FOXP3: variants seen among roughly 807,000 people sequenced by gnomAD.
FOXP3 encodes the protein forkhead box P3.
A neutral mutation model predicts 31.2 loss-of-function variants in FOXP3; 5 were observed. The ratio of observed to expected loss-of-function variants is 0.16; its 90% CI spans 0.08 to 0.34. The LOEUF (loss-of-function observed/expected upper bound fraction) is 0.34. Ranked by LOEUF, FOXP3 falls within the 10% of genes least tolerant of loss-of-function variation. The pLI is 1.00. For missense variants in FOXP3, 251 were observed against 363.0 expected (o/e 0.69, Z 2.51); for synonymous variants, 141 against 148.8 (o/e 0.95, Z 0.38).
chrX:49,263,853 C>T (rs1458992496), intron 1 of FOXP3, among the ~76,000 whole-genome samples: 3 of 108,011 alleles, frequency 2.8e-5, no homozygotes, highest in Admixed American at 9.9e-5. Context: ...GTGCTCCCTG[C>T]CCCCCCGCCC....
rs1370441478 is a variant in FOXP3 at position 49,250,964 on chromosome X, G to A, written c.*370C>T. 3.5e-6 allele frequency: 1 copy of A among 288,760 alleles called. No homozygotes were observed. Among genetic ancestry groups the A allele is most frequent in the Non-Finnish European group, 6.2e-6 (1 of 161,233 alleles). 23.8% of individuals were successfully genotyped at this position (288,760 alleles called of 1,213,427 possible). ...TTTGTGTTGAGTGAGGGACAGGATT[G>A]TGACATTTTGTGTGTCTGTGTGACT... On this transcript the variant is annotated 3_prime_UTR_variant, in exon 12 of 12. Coordinates refer to ENST00000376207, the MANE Select transcript of FOXP3 (RefSeq NM_014009.4).
chrX:49,253,943 C>T lies in FOXP3; in HGVS notation c.941G>A (p.Gly314Asp). 8.3e-7 allele frequency: 1 copy of T among 1,210,805 alleles called. No individual in the cohort carries two copies. The highest frequency in any genetic ancestry group is 1.1e-6 in the Non-Finnish European group (1 of 895,264). The part of the protein sequence containing the change: ...SLFAVRRHLW[G>D]SHGNSTFPEF... ...TGGGAATGTGCTGTTTCCATGGCTA[C>T]CCCACAGGTGCCTCCGGACAGCAAA... The change falls in exon 9 of 12, where the codon GGT becomes GAT. Residue 314 changes from glycine to aspartate, a missense_variant. Gly to Asp is a moderately conservative substitution (Grantham distance 94, BLOSUM62 -1). Transcript: ENST00000376207.
intron 6 of FOXP3, among the ~76,000 whole-genome samples, chrX:49,256,234 G>A (rs1158146940): frequency 3.4e-5 from 1 of 29,441 alleles, no homozygotes; most frequent in African/African-American, 7.2e-5. Context: ...GAGAGAGAGA[G>A]AGAGAGAGAG....
At chrX:49,252,667 T>C (rs2280883) in intron 10 of FOXP3, among the ~76,000 whole-genome samples, 32,998 of 108,037 alleles carry the variant, frequency 0.31, 4,669 homozygotes, top group Middle Eastern at 0.47. Context: ...AGGTTGGGAA[T>C]GGTGCCCAGT....
At position 49,253,990 on chromosome X, in the gene FOXP3, G is replaced by C. The variant is rs782018648; in HGVS notation, c.894C>G (p.Pro298=). The C allele has an allele frequency of 1.7e-6, 2 of 1,210,801 alleles. No individual in the cohort carries two copies. The highest frequency in any genetic ancestry group is 2.2e-6 in the Non-Finnish European group (2 of 895,033). Residue 298 remains proline (P), a synonymous_variant, in exon 9 of 12, where the codon CCC becomes CCG. Coordinates refer to ENST00000376207, the MANE Select transcript of FOXP3 (RefSeq NM_014009.4). The stretch of plus-strand genomic sequence containing the variant: ...CAAACAGGCTGTCAGGGGCCTCCCG[G>C]GGGCCAGACCAGGCTGGGACGACAG... ...QGPVVPAWSG[P]REAPDSLFAV...
In FOXP3 at chrX:49,258,390, C is replaced by T. The variant is rs782639786; in HGVS notation, c.116G>A (p.Arg39Gln). Residue 39 changes from arginine to glutamine, a missense_variant, in exon 2 of 12, where the codon CGG (arginine) becomes CAG (glutamine). Around this residue, in one of 4 missense-constraint regions of FOXP3, gnomAD observed 152 missense variants for 188.1 expected, o/e 0.81. Transcript: ENST00000376207. ...APKASDLLGA[R>Q]GPGGTFQGRD... Reference sequence around the variant, plus strand: ...GCCCTGGAAGGTTCCCCCTGGGCCCCGGGCCCCCAGCAGGTCTGAGGCTTT... The same window carrying T: ...GCCCTGGAAGGTTCCCCCTGGGCCCTGGGCCCCCAGCAGGTCTGAGGCTTT... The T allele has an allele frequency of 9.4e-6, 11 of 1,168,725 alleles. No homozygotes were observed. The highest frequency in any genetic ancestry group is 7.6e-5 in the South Asian group (4 of 52,840).
At chrX:49,252,563 T>C (rs2066040617) in intron 10 of FOXP3, among the ~76,000 whole-genome samples, 1 of 109,465 alleles carries the variant, frequency 9.1e-6, no homozygotes, top group Non-Finnish European at 1.9e-5. Context: ...GGTGTGGCGC[T>C]AGGATGAAGG....
In FOXP3 at chrX:49,254,062, T is replaced by C; in HGVS notation, c.822A>G (p.Ser274=). 1 of 1,208,305 alleles carries C rather than the reference T, an allele frequency of 8.3e-7. No homozygotes were observed. The highest frequency in any genetic ancestry group is 1.1e-6 in the Non-Finnish European group (1 of 893,999). The part of the protein sequence containing the change: ...MALTKASSVA[S]SDKGSCCIVA... ...CGATGCAGCAGGAGCCCTTGTCGGA[T>C]GATGCCTGGGTGAGGGGGAGAGGCT... Residue 274 remains serine, a synonymous_variant, in exon 9 of 12, where the codon TCA becomes TCG. Transcript: ENST00000376207.
chrX:49,257,772 G>A lies in FOXP3; in HGVS notation c.211-4C>T, dbSNP rs1557116628. ...TGACTAGGGGCAGTGTGGGCAGCTG[G>A]GCAGAAAGGCAGGTGGGTGAGAGGC... On this transcript the variant is annotated splice_region_variant and splice_polypyrimidine_tract_variant and intron_variant, in intron 2 of 11. Transcript: ENST00000376207. 8.6e-7 allele frequency: 1 copy of A among 1,158,853 alleles called. No homozygotes were observed. Among genetic ancestry groups the A allele is most frequent in the South Asian group, 1.9e-5 (1 of 52,604 alleles).
Position 49,258,376 on chromosome X carries a change from T to C in FOXP3, c.130A>G (p.Thr44Ala), listed in dbSNP as rs782474624. ...DLLGARGPGG[T>A]FQGRDLRGGA... is the part of the protein sequence containing the mutation. ...CCTCGAAGATCTCGGCCCTGGAAGG[T>C]TCCCCCTGGGCCCCGGGCCCCCAGC... is the stretch of plus-strand genomic sequence containing the variant. The change falls in exon 2 of 12, where the codon ACC becomes GCC. Residue 44 changes from threonine to alanine, a missense_variant. Around this residue, in one of 4 missense-constraint regions of FOXP3, gnomAD observed 152 missense variants for 188.1 expected, o/e 0.81. Transcript: ENST00000376207. The C allele has an allele frequency of 3.4e-6, 4 of 1,166,970 alleles. No individual in the cohort carries two copies. The highest frequency in any genetic ancestry group is 2.6e-5 in the Admixed American group (1 of 38,884).
intron 1 of FOXP3, among the ~76,000 whole-genome samples, chrX:49,260,933 G>A (rs1430652126): frequency 8.9e-6 from 1 of 112,221 alleles, no homozygotes; most frequent in Non-Finnish European, 1.9e-5. Context: ...GGGTGACATG[G>A]GTGCTGGTGG....
In FOXP3 at chrX:49,258,476, C is replaced by A; in HGVS notation, c.30G>T (p.Ser10=). 1 of 1,180,648 alleles carries A rather than the reference C, an allele frequency of 8.5e-7. No individual in the cohort carries two copies. The highest frequency in any genetic ancestry group is 1.7e-5 in the African/African-American group (1 of 57,267). ...ATGGGCCAAGGGCCAAGGAAGGGGC[C>A]GAGGGCTTGCCAGGCCTGGGGTTGG... MPNPRPGKP[S]APSLALGPSP... Residue 10 remains serine (S), a synonymous_variant, in exon 2 of 12, where the codon TCG becomes TCT. Coordinates refer to ENST00000376207, the MANE Select transcript of FOXP3 (RefSeq NM_014009.4).
At chrX:49,256,210 GAGAGAGAGAA>G (rs1189578979) in intron 6 of FOXP3, among the ~76,000 whole-genome samples, 15 of 89,064 alleles carry the variant, frequency 1.7e-4, no homozygotes, top group Admixed American at 1.2e-3. Flanking sequence ...GTGTGTGTGA[GAGAGAGAGAA>G]AGAGAGAGAG....
intron 8 of FOXP3, among the ~76,000 whole-genome samples, chrX:49,254,478 T>C (rs1244115569): frequency 9.0e-6 from 1 of 111,727 alleles, no homozygotes; most frequent in Non-Finnish European, 1.9e-5. Flanking sequence ...GACGCCCTCT[T>C]CTAAATTCCA....
At chrX:49,261,136 G>A (rs1355115644) in intron 1 of FOXP3, among the ~76,000 whole-genome samples, 2 of 112,578 alleles carry the variant, frequency 1.8e-5, no homozygotes, top group African/African-American at 6.5e-5. Flanking sequence ...GCATTTCTTA[G>A]ATTTAAAGGA....
At chrX:49,259,065 G>T (rs1039516748) in intron 1 of FOXP3, among the ~76,000 whole-genome samples, 2 of 112,250 alleles carry the variant, frequency 1.8e-5, no homozygotes, top group African/African-American at 6.5e-5. Context: ...CACAGAATGG[G>T]CTGGTGGCAG....
At position 49,251,344 on chromosome X, in the gene FOXP3, G is replaced by C; in HGVS notation, c.1286C>G (p.Pro429Arg). The C allele has an allele frequency of 8.3e-7, 1 of 1,209,655 alleles. No homozygotes were observed. Among genetic ancestry groups the C allele is most frequent in the Non-Finnish European group, 1.1e-6 (1 of 894,526 alleles). The change falls in exon 12 of 12, where the codon CCT becomes CGT. Residue 429 changes from proline to arginine, a missense_variant. Around this residue, in one of 4 missense-constraint regions of FOXP3, gnomAD observed 36 missense variants for 88.1 expected, o/e 0.41. Coordinates refer to ENST00000376207, the MANE Select transcript of FOXP3 (RefSeq NM_014009.4). Reference protein sequence around the residue: ...QRPSRCSNPTPGP With the variant: ...QRPSRCSNPTRGP ...TCCTTGATCTTGAGGTCAGGGGCCA[G>C]GTGTAGGGTTGGAACACCTGCTGGG... is the stretch of plus-strand genomic sequence containing the variant.
rs2066065548 is a variant in FOXP3 at position 49,255,748 on chromosome X, G to A, written c.702C>T (p.Leu234=). The part of the protein sequence containing the change: ...LDEKGRAQCL[L]QREMVQSLEQ... ...CCAGAGACTGTACCATCTCTCTCTG[G>A]AGGAGACATTGTGCCCTGCCCTTCT... Residue 234 remains leucine, a synonymous_variant, in exon 7 of 12, where the codon CTC becomes CTT. Transcript: ENST00000376207. 2.5e-6 allele frequency: 3 copies of A among 1,209,472 alleles called. No homozygotes were observed. The highest frequency in any genetic ancestry group is 3.5e-5 in the African/African-American group (2 of 57,788).
Position 49,255,781 on chromosome X carries a change from A to G in FOXP3, c.669T>C (p.Leu223=), listed in dbSNP as rs2066065837. ...DFLKHCQADH[L]LDEKGRAQCL... ...ATTGTGCCCTGCCCTTCTCATCCAG[A>G]AGATGGTCCGCCTGGCAGTGCCTAA... The change falls in exon 7 of 12, where the codon CTT becomes CTC. Residue 223 remains leucine (L), a synonymous_variant. Transcript: ENST00000376207. 8.3e-7 allele frequency: 1 copy of G among 1,208,136 alleles called. No homozygotes were observed. Among genetic ancestry groups the G allele is most frequent in the African/African-American group, 1.7e-5 (1 of 57,727 alleles).
Sources: gnomAD v4.1 joint callset for allele counts (sites outside exome capture counted in the v4.1 genomes callset) on GRCh38, gnomAD v4.1.1 for gene constraint, gnomAD v4.1.1 regional missense constraint, MANE v1.5 for transcripts, NCBI Gene and HGNC (gene_info 2026-07-23, HGNC 2026-07-21) for gene names.